Variants in FGF17 observed in about 807,000 individuals in gnomAD.
FGF17 encodes fibroblast growth factor 17.
FGF17 carries 5 observed loss-of-function variants against 23.5 expected under a neutral mutation model. The observed-to-expected ratio is 0.21, with a 90% CI of 0.11 to 0.45. The LOEUF (loss-of-function observed/expected upper bound fraction) is 0.45, where lower values mean the gene tolerates loss of function less well. FGF17 is among the 20% of genes least tolerant of loss of function. The pLI is 0.99. For missense variants in FGF17, 221 were observed against 306.9 expected (o/e 0.72, Z 2.09); for synonymous variants, 136 against 123.0 (o/e 1.11, Z -0.70).
chr8:22,043,105 C>T (rs1404475954), intron 1 of FGF17, 40 bp from the exon 2 acceptor site: 1 of 1,611,092 alleles, frequency 6.2e-7, no homozygotes, highest in Non-Finnish European at 8.5e-7. Context: ...AGGCTTGCAG[C>T]TGGCACCCAC....
At chr8:22,041,127 T>C (rs954185305), upstream of FGF17, among the ~76,000 whole-genome samples, 1 of 152,088 alleles carries the variant, frequency 6.6e-6, no homozygotes, top group African/African-American at 2.4e-5. Context: ...AGGTTTGACA[T>C]TCTTTGAGTT....
intron 4 of FGF17, among the ~76,000 whole-genome samples, chr8:22,047,261 T>C (rs3176299): frequency 9.5e-4 from 144 of 152,000 alleles, no homozygotes; most frequent in African/African-American, 3.3e-3. Context: ...CTGTTGAGGG[T>C]GGAAAGTGGG....
upstream of FGF17, among the ~76,000 whole-genome samples, chr8:22,041,738 G>A (rs1173391759): frequency 1.3e-5 from 2 of 152,194 alleles, no homozygotes; most frequent in African/African-American, 4.8e-5. Context: ...TTTCCATTCT[G>A]GCTATTCCAT....
chr8:22,043,273 A>G (rs1800775025), intron 2 of FGF17, 92 bp downstream of exon 2: 1 of 1,305,104 alleles, frequency 7.7e-7, no homozygotes, highest in African/African-American at 1.4e-5. Flanking sequence ...AGGTGGACAG[A>G]GGCAGAGTCT....
chr8:22,043,342 G>A (rs1346516727), intron 2 of FGF17, among the ~76,000 whole-genome samples, 161 bp downstream of exon 2: 1 of 152,122 alleles, frequency 6.6e-6, no homozygotes, highest in Admixed American at 6.5e-5. Context: ...CTTTGACCGG[G>A]TGGGCAGGGA....
chr8:22,041,938 C>T (rs1328583491), upstream of FGF17, among the ~76,000 whole-genome samples: 1 of 152,166 alleles, frequency 6.6e-6, no homozygotes. Context: ...CCGAGCTGCT[C>T]CTAGCTCAGA....
chr8:22,044,886 G>A (rs1218453510), intron 2 of FGF17: 1 of 985,314 alleles, frequency 1.0e-6, no homozygotes, highest in East Asian at 1.1e-4. Context: ...ATGCTAATCT[G>A]GGTCTAGCTC....
chr8:22,048,705 G>T lies in FGF17; in HGVS notation c.*456G>T. 1 of 173,570 alleles carries T rather than the reference G, an allele frequency of 5.8e-6. No homozygotes were observed. Among genetic ancestry groups the T allele is most frequent in the South Asian group, 1.6e-4 (1 of 6,138 alleles). The allele number at this position is 173,570 out of a possible 1,614,324, so 10.8% of individuals were successfully genotyped here. A position where few individuals can be genotyped will look rare whatever the true frequency, so the allele number is the denominator to read the frequency against. Reference sequence around the variant, plus strand: ...TTGTTTGTTTCAGGAAAAAAGAAAGGGAGAGAGAGGAAAATAGAGGGTTGT... The same window carrying T: ...TTGTTTGTTTCAGGAAAAAAGAAAGTGAGAGAGAGGAAAATAGAGGGTTGT... On this transcript the variant is annotated 3_prime_UTR_variant, in exon 5 of 5. Transcript: ENST00000359441. This position sits in a 1 kb window ranked among gnomAD's most constrained non-coding sequence, Gnocchi z 6.9.
At chr8:22,043,091 C>G (rs940869292) in intron 1 of FGF17, 54 bp from the exon 2 acceptor site, 12 of 1,607,788 alleles carry the variant, frequency 7.5e-6, no homozygotes, top group Non-Finnish European at 1.0e-5. Context: ...CCTGGGTGCA[C>G]CCTAGGCTTG....
At chr8:22,043,710 G>T (rs1031166711) in intron 2 of FGF17, among the ~76,000 whole-genome samples, 3 of 151,942 alleles carry the variant, frequency 2.0e-5, no homozygotes, top group African/African-American at 7.3e-5. Context: ...TTTGGGACGG[G>T]ATGCAGGGTT....
chr8:22,043,543 G>A (rs992115882), intron 2 of FGF17, among the ~76,000 whole-genome samples: 1 of 152,190 alleles, frequency 6.6e-6, no homozygotes, highest in Non-Finnish European at 1.5e-5. Flanking sequence ...GAAAGGACAG[G>A]TTTTGATGCA....
chr8:22,041,397 A>T (rs1010879021), upstream of FGF17, among the ~76,000 whole-genome samples: 1 of 152,070 alleles, frequency 6.6e-6, no homozygotes, highest in African/African-American at 2.4e-5. Flanking sequence ...TTAGGTAAAT[A>T]AATCCACATC....
upstream of FGF17, among the ~76,000 whole-genome samples, chr8:22,041,785 A>G (rs766102141): frequency 5.2e-4 from 79 of 152,292 alleles, no homozygotes; most frequent in Middle Eastern, 3.4e-3. Context: ...CTACCTCCCA[A>G]TGTGCCTCAG....
At chr8:22,043,078 G>A in intron 1 of FGF17, 67 bp from the exon 2 acceptor site, 1 of 1,602,500 alleles carries the variant, frequency 6.2e-7, no homozygotes, top group Non-Finnish European at 8.5e-7. Context: ...GCGGGGGCGG[G>A]GGCCTGGGTG....
intron 2 of FGF17, chr8:22,045,856 C>T (rs1161302279): frequency 7.2e-7 from 1 of 1,387,980 alleles, no homozygotes; most frequent in African/African-American, 1.5e-5. Context: ...AGTCCTGATT[C>T]CAGGGCTGTG....
intron 2 of FGF17, chr8:22,044,919 C>G (rs1800830393): frequency 6.1e-6 from 6 of 985,512 alleles, no homozygotes; most frequent in Non-Finnish European, 7.2e-6. Flanking sequence ...TGAGGTTGGG[C>G]CTGGGATAAA....
intron 2 of FGF17, chr8:22,045,321 C>A: frequency 1.0e-6 from 1 of 986,534 alleles, no homozygotes; most frequent in Non-Finnish European, 1.2e-6. Context: ...ATTGGGCCAC[C>A]GCTGATAGTG....
In FGF17 at chr8:22,042,924, C is replaced by T; in HGVS notation, c.-5C>T. The T allele has an allele frequency of 1.2e-6, 2 of 1,613,444 alleles. No homozygotes were observed. The highest frequency in any genetic ancestry group is 2.2e-5 in the East Asian group (1 of 44,866). On this transcript the variant is annotated 5_prime_UTR_variant, in exon 1 of 5. Transcript: ENST00000359441. Reference sequence around the variant, plus strand: ...GGGGCAACCGCCTGAGGAACCTCTCCAGCGATGGGAGCCGCCCGCCTGCTG... The same window carrying T: ...GGGGCAACCGCCTGAGGAACCTCTCTAGCGATGGGAGCCGCCCGCCTGCTG...
chr8:22,047,855 TCCCGTTGTC>T (rs760032616), intron 4 of FGF17, 92 bp from the exon 5 acceptor site: 23 of 1,201,118 alleles, frequency 1.9e-5, no homozygotes, highest in Non-Finnish European at 2.7e-5. Flanking sequence ...GCCCCGTTGT[TCCCGTTGTC>T]CCTCCTCAGT....
Sources: allele counts gnomAD v4.1 joint callset (sites outside exome capture counted in the v4.1 genomes callset), GRCh38; gene constraint gnomAD v4.1.1; non-coding constraint Gnocchi (gnomAD v3.1); transcripts MANE v1.5; gene names NCBI Gene and HGNC (gene_info 2026-07-23, HGNC 2026-07-21).